SEC23IP: variants seen among roughly 807,000 people sequenced by gnomAD.
The protein encoded by SEC23IP is SEC23 interacting protein, also known as SEC23-interacting protein.
SEC23IP carries 70 observed loss-of-function variants against 113.4 expected under a neutral mutation model. The ratio of observed to expected loss-of-function variants is 0.62; its 90% confidence interval spans 0.51 to 0.75. The LOEUF is 0.75. SEC23IP is among the 30% of genes least tolerant of loss of function. The pLI, the probability that SEC23IP is intolerant of heterozygous loss-of-function variation, is 0.00. For missense variants in SEC23IP, 1,160 were observed against 1,204.9 expected (o/e 0.96, Z 0.55); for synonymous variants, 398 against 421.0 (o/e 0.95, Z 0.67).
Position 119,898,592 on chromosome 10 carries a change from A to C in SEC23IP, c.329A>C (p.Gln110Pro), listed in dbSNP as rs769520571. The change falls in exon 2 of 19, where the codon CAA becomes CCA. Residue 110 changes from glutamine to proline, a missense_variant. Physicochemically the swap from Gln to Pro is moderately conservative, Grantham distance 76 (BLOSUM62 -1). Transcript: ENST00000369075. The part of the protein sequence containing the change: ...PLTTAATSVG[Q>P]SGFPKPLTAL... ...ACAACTGCAGCAACCTCAGTTGGAC[A>C]ATCAGGATTCCCCAAGCCCCTGACT... is the stretch of plus-strand genomic sequence containing the variant. The C allele has an allele frequency of 7.4e-6, 12 of 1,614,108 alleles. No homozygotes were observed. The highest frequency in any genetic ancestry group is 1.0e-5 in the Non-Finnish European group (12 of 1,180,040).
At chr10:119,934,491 G>A (rs556195234) in intron 18 of SEC23IP, among the ~76,000 whole-genome samples, 1 of 152,330 alleles carries the variant, frequency 6.6e-6, no homozygotes, top group East Asian at 1.9e-4. Context: ...GTCAGCTGAC[G>A]TGCAGCTCAG....
intron 12 of SEC23IP, among the ~76,000 whole-genome samples, chr10:119,923,042 T>A (rs1000192398): frequency 1.3e-5 from 2 of 151,820 alleles, no homozygotes; most frequent in Admixed American, 1.3e-4. Flanking sequence ...AGAAGCTTTG[T>A]GTTCAGGCCC....
rs1324547066 is a variant in SEC23IP, at chr10:119,941,665, C to T, written c.*1100C>T. On this transcript the variant is annotated 3_prime_UTR_variant, in exon 19 of 19. Coordinates refer to ENST00000369075, the MANE Select transcript of SEC23IP (RefSeq NM_007190.4). Reference sequence around the variant, plus strand: ...AAATTTTTGAAAGTGATATATGATACACATTTTTTGTGTATGTATTCTAAT... The same window carrying T: ...AAATTTTTGAAAGTGATATATGATATACATTTTTTGTGTATGTATTCTAAT... 2 of 152,612 alleles carry T rather than the reference C, an allele frequency of 1.3e-5. No homozygotes were observed. Among genetic ancestry groups the T allele is most frequent in the Admixed American group, 1.3e-4 (2 of 15,278 alleles). The allele number at this position is 152,612 out of a possible 1,614,324, so 9.5% of individuals were successfully genotyped here.
intron 10 of SEC23IP, among the ~76,000 whole-genome samples, chr10:119,918,813 A>G (rs1171028645): frequency 2.0e-5 from 3 of 152,140 alleles, no homozygotes; most frequent in Admixed American, 1.3e-4. Flanking sequence ...GGTTTTACAT[A>G]TTAAAGTACA....
intron 6 of SEC23IP, among the ~76,000 whole-genome samples, chr10:119,912,376 G>A (rs1170396827): frequency 6.6e-6 from 1 of 151,908 alleles, no homozygotes; most frequent in East Asian, 1.9e-4. Context: ...CAAGCTATTT[G>A]CCTGCCTCGG....
rs746942059 is a variant in SEC23IP at position 119,933,136 on chromosome 10, C to G, written c.2890C>G (p.Leu964Val). 1.2e-6 allele frequency: 2 copies of G among 1,613,922 alleles called. No homozygotes were observed. The highest frequency in any genetic ancestry group is 3.3e-5 in the Admixed American group (2 of 60,002). Reference protein sequence around the residue: ...EKPIESFNEYLFALQSHLCYW... With the variant: ...EKPIESFNEYVFALQSHLCYW... Reference sequence around the variant, plus strand: ...ACCAATAGAGAGTTTTAATGAATACCTTTTCGCTCTTCAGAGTCACTTATG... The same window carrying G: ...ACCAATAGAGAGTTTTAATGAATACGTTTTCGCTCTTCAGAGTCACTTATG... Residue 964 changes from leucine (L) to valine (V), a missense_variant, in exon 17 of 19, where the codon CTT becomes GTT. Coordinates refer to ENST00000369075, the MANE Select transcript of SEC23IP (RefSeq NM_007190.4).
At chr10:119,918,247 T>C (rs562366429) in intron 9 of SEC23IP, 146 bp from the exon 10 acceptor site, 1 of 676,970 alleles carries the variant, frequency 1.5e-6, no homozygotes, top group East Asian at 2.7e-5. Context: ...TATTTTACTT[T>C]ATTCTGCTGT....
chr10:119,895,483 A>G (rs1206824475), intron 1 of SEC23IP, among the ~76,000 whole-genome samples: 2 of 152,236 alleles, frequency 1.3e-5, no homozygotes, highest in African/African-American at 2.4e-5. Flanking sequence ...ATGACTGCAC[A>G]GTATGTGTGT....
At chr10:119,906,175 A>G (rs938251738) in intron 4 of SEC23IP, among the ~76,000 whole-genome samples, 2 of 151,526 alleles carry the variant, frequency 1.3e-5, no homozygotes, top group African/African-American at 4.8e-5. Context: ...TTAGCTACTC[A>G]GGAGGCAGAG....
chr10:119,923,003 A>T (rs929687616), intron 12 of SEC23IP, among the ~76,000 whole-genome samples: 2 of 16,352 alleles, frequency 1.2e-4, no homozygotes, highest in Non-Finnish European at 2.2e-4. Context: ...AAAAGCCTAT[A>T]AAAAAAAAAA....
chr10:119,912,828 A>G (rs371532738), intron 6 of SEC23IP, among the ~76,000 whole-genome samples: 5 of 151,872 alleles, frequency 3.3e-5, no homozygotes, highest in African/African-American at 9.7e-5. Flanking sequence ...TTTAGTAGAG[A>G]TGTGGTTTCA....
intron 4 of SEC23IP, chr10:119,904,489 GA>G (rs1854600233): frequency 3.7e-6 from 2 of 537,974 alleles, no homozygotes; most frequent in South Asian, 4.4e-5. Flanking sequence ...GATTTGCAGA[GA>G]CACATCACAG....
chr10:119,898,219 A>G (rs1460178216), intron 1 of SEC23IP: 1 of 897,512 alleles, frequency 1.1e-6, no homozygotes, highest in Non-Finnish European at 1.5e-6. Flanking sequence ...GTTTCCTCTT[A>G]TGTTTTCTTA....
At chr10:119,940,436 C>G (rs1002337178) in intron 18 of SEC23IP, 150 bp from the exon 19 acceptor site, 2 of 152,178 alleles carry the variant, frequency 1.3e-5, no homozygotes, top group South Asian at 2.1e-4. Flanking sequence ...ATCTGCCCAC[C>G]TCGGCCTCCC....
intron 4 of SEC23IP, 72 bp downstream of exon 4, chr10:119,904,349 A>G: frequency 2.3e-6 from 3 of 1,315,116 alleles, no homozygotes; most frequent in Non-Finnish European, 3.3e-6. Flanking sequence ...GAGTAACATC[A>G]TTCACAGTGG....
rs574049976 is a variant in SEC23IP at position 119,933,823 on chromosome 10, T to C, written c.*20+36T>C. 27 of 1,060,310 alleles carry C rather than the reference T, an allele frequency of 2.5e-5. No homozygotes were observed. In the South Asian group the frequency reaches 3.3e-4, roughly 13 times the overall value. The allele number at this position is 1,060,310 out of a possible 1,614,324, so 65.7% of individuals were successfully genotyped here. On this transcript the variant is annotated intron_variant, in intron 18 of 18. Coordinates refer to ENST00000369075, the MANE Select transcript of SEC23IP (RefSeq NM_007190.4). ...CCTTATTGAATGTATAAATTCTGAA[T>C]GTTTGCATTCTCAAATCTGTTGTAT...
At chr10:119,904,002 G>A in intron 3 of SEC23IP, 82 bp from the exon 4 acceptor site, 1 of 1,441,234 alleles carries the variant, frequency 6.9e-7, no homozygotes, top group Non-Finnish European at 9.5e-7. Context: ...TTACAGGCAT[G>A]AGCCACTGCG....
chr10:119,918,653 G>A (rs1305585319), intron 10 of SEC23IP, 142 bp downstream of exon 10: 1 of 640,000 alleles, frequency 1.6e-6, no homozygotes, highest in East Asian at 2.7e-5. Flanking sequence ...TTGGTTGCTT[G>A]GGCTAGTCTT....
intron 12 of SEC23IP, among the ~76,000 whole-genome samples, chr10:119,922,607 T>C (rs1855284559): frequency 6.6e-6 from 1 of 152,102 alleles, no homozygotes; most frequent in Non-Finnish European, 1.5e-5. Flanking sequence ...ATAGTAGTAA[T>C]TGTAATTGTA....
Sources: gnomAD v4.1 joint callset for allele counts (sites outside exome capture counted in the v4.1 genomes callset) on GRCh38, gnomAD v4.1.1 for gene constraint, MANE v1.5 for transcripts, NCBI Gene and HGNC (gene_info 2026-07-23, HGNC 2026-07-21) for gene names.